GALR1: variants seen among roughly 807,000 people sequenced by gnomAD.
The protein encoded by GALR1 is galanin receptor 1, also known as galanin receptor type 1.
A neutral mutation model predicts 17.9 loss-of-function variants in GALR1; 11 were observed. The ratio of observed to expected loss-of-function variants is 0.62; its 90% CI spans 0.39 to 1.02. The LOEUF is 1.02. Ranked by LOEUF, GALR1 falls within the 50% of genes least tolerant of loss-of-function variation. The pLI, the probability that GALR1 is intolerant of heterozygous loss-of-function variation, is 0.01. For missense variants in GALR1, 441 were observed against 456.9 expected, an observed-to-expected ratio of 0.97 and a Z score of 0.32; for synonymous variants, 206 against 205.7, an observed-to-expected ratio of 1.00 and a Z score of -0.01.
Position 77,268,635 on chromosome 18 carries a change from G to A in GALR1, c.783G>A (p.Leu261=), listed in dbSNP as rs1912993553. The A allele has an allele frequency of 4.3e-6, 7 of 1,613,946 alleles. No individual in the cohort carries two copies. Among genetic ancestry groups the A allele is most frequent in the Non-Finnish European group, 5.9e-6 (7 of 1,180,030 alleles). Residue 261 remains leucine (L), a synonymous_variant, in exon 3 of 3, where the codon CTG becomes CTA. Transcript: ENST00000299727. ...VVVVVFGISW[L]PHHIIHLWAE... is the part of the protein sequence containing the mutation. Reference sequence around the variant, plus strand: ...TTGTGGTGTTTGGAATCTCCTGGCTGCCGCACCACATCATCCATCTCTGGG... The same window carrying A: ...TTGTGGTGTTTGGAATCTCCTGGCTACCGCACCACATCATCCATCTCTGGG...
In GALR1 at chr18:77,272,505, TA is replaced by T. The variant is rs1913084009; in HGVS notation, c.*3604del. On this transcript the variant is annotated 3_prime_UTR_variant, in exon 3 of 3. Coordinates refer to ENST00000299727, the MANE Select transcript of GALR1 (RefSeq NM_001480.4). ...TTCTTGCTTTAAATGATTTATCAAATACATGTATGTAAACTACATAGTCACT... is the reference window on the plus strand; with the variant it reads ...TTCTTGCTTTAAATGATTTATCAAATCATGTATGTAAACTACATAGTCACT... 1 of 152,258 alleles carries T rather than the reference TA, an allele frequency of 6.6e-6. No individual in the cohort carries two copies. 9.4% of individuals were successfully genotyped at this position (152,258 alleles called of 1,614,324 possible). A position where few individuals can be genotyped will look rare whatever the true frequency, so the allele number is the denominator to read the frequency against.
intron 2 of GALR1, among the ~76,000 whole-genome samples, chr18:77,265,405 C>T (rs1020643857): frequency 6.6e-6 from 1 of 152,226 alleles, no homozygotes; most frequent in African/African-American, 2.4e-5. Flanking sequence ...GGCATAGCCC[C>T]CTTCCGGGCT....
chr18:77,265,906 G>T (rs1192189663), intron 2 of GALR1, among the ~76,000 whole-genome samples: 1 of 152,146 alleles, frequency 6.6e-6, no homozygotes, highest in Non-Finnish European at 1.5e-5. Context: ...CTAGGCCTCT[G>T]GGTGTGTGAT....
At chr18:77,261,667 T>G (rs1444574319) in intron 2 of GALR1, among the ~76,000 whole-genome samples, 1 of 152,218 alleles carries the variant, frequency 6.6e-6, no homozygotes, top group Non-Finnish European at 1.5e-5. Flanking sequence ...AGGAAGTGGC[T>G]TTTCCAGCCC....
chr18:77,257,599 T>C (rs1912619618), intron 2 of GALR1, among the ~76,000 whole-genome samples: 1 of 152,266 alleles, frequency 6.6e-6, no homozygotes, highest in African/African-American at 2.4e-5. Flanking sequence ...TGATTTTTCC[T>C]CTGAGTCACA....
intron 2 of GALR1, among the ~76,000 whole-genome samples, chr18:77,258,602 C>CATGGTGGTGGTGGTGGTGGTG (rs1912658537): frequency 4.8e-5 from 1 of 20,714 alleles, no homozygotes; most frequent in African/African-American, 1.4e-4. Flanking sequence ...TGGTGGTGGT[C>CATGGTGGTGGTGGTGGTGGTG]ATGGTGGTGA....
At chr18:77,266,084 T>G (rs1219691476) in intron 2 of GALR1, among the ~76,000 whole-genome samples, 1 of 152,154 alleles carries the variant, frequency 6.6e-6, no homozygotes, top group Admixed American at 6.5e-5. Flanking sequence ...AGGTTGCAAA[T>G]TTTCCAAACG....
chr18:77,275,045 G>C lies in GALR1; in HGVS notation c.*6143G>C, dbSNP rs1046590846. On this transcript the variant is annotated 3_prime_UTR_variant, in exon 3 of 3. Coordinates refer to ENST00000299727, the MANE Select transcript of GALR1 (RefSeq NM_001480.4). ...ACTTTTCCATCTAACAGAAACGCAAGCTTCAAGAGCAAGTTATTTTTATAA... is the reference window on the plus strand; with the variant it reads ...ACTTTTCCATCTAACAGAAACGCAACCTTCAAGAGCAAGTTATTTTTATAA... The C allele has an allele frequency of 6.6e-6, 1 of 152,230 alleles. No individual in the cohort carries two copies. The highest frequency in any genetic ancestry group is 2.4e-5 in the African/African-American group (1 of 41,460). 9.4% of individuals were successfully genotyped at this position (152,230 alleles called of 1,614,324 possible).
intron 2 of GALR1, among the ~76,000 whole-genome samples, chr18:77,266,212 G>A (rs923542203): frequency 6.6e-6 from 1 of 152,162 alleles, no homozygotes; most frequent in Admixed American, 6.5e-5. Context: ...CTTTGCTAAA[G>A]CATAGCAAGA....
intron 1 of GALR1, among the ~76,000 whole-genome samples, chr18:77,252,935 C>CCACCAT (rs1568139107): frequency 1.1e-4 from 5 of 45,778 alleles, no homozygotes; most frequent in Admixed American, 1.8e-4. Context: ...ACCACCACCA[C>CCACCAT]CACCACCACC....
chr18:77,267,091 G>A (rs1425626003), intron 2 of GALR1, among the ~76,000 whole-genome samples: 1 of 152,256 alleles, frequency 6.6e-6, no homozygotes, highest in Non-Finnish European at 1.5e-5. Context: ...CCTATGAGAA[G>A]TAAACTTGCT....
rs1189053904 is a variant in GALR1 at position 77,268,913 on chromosome 18, A to C, written c.*11A>C. The C allele has an allele frequency of 3.1e-6, 5 of 1,594,654 alleles. No individual in the cohort carries two copies. In the African/African-American group the frequency reaches 5.4e-5, roughly 17 times the overall value. ...TGTACTCATGTGTGATAAAAGATAG[A>C]GTATCCTTATGGTTGAGTTTCCATA... On this transcript the variant is annotated 3_prime_UTR_variant, in exon 3 of 3. Coordinates refer to ENST00000299727, the MANE Select transcript of GALR1 (RefSeq NM_001480.4).
At chr18:77,267,604 G>C (rs1912970967) in intron 2 of GALR1, among the ~76,000 whole-genome samples, 1 of 152,238 alleles carries the variant, frequency 6.6e-6, no homozygotes, top group African/African-American at 2.4e-5. Context: ...TGTTTGAGGA[G>C]AGAACCAACT....
chr18:77,254,642 T>C (rs1489877332), intron 1 of GALR1, among the ~76,000 whole-genome samples: 1 of 152,216 alleles, frequency 6.6e-6, no homozygotes, highest in African/African-American at 2.4e-5. Flanking sequence ...TCCTGTCCTC[T>C]TGGGCAGGGT....
chr18:77,262,338 A>G (rs1451385738), intron 2 of GALR1, among the ~76,000 whole-genome samples: 6 of 152,124 alleles, frequency 3.9e-5, no homozygotes, highest in Admixed American at 3.3e-4. Context: ...GAGCGTGTCT[A>G]TGCTAGGCAT....
intron 2 of GALR1, among the ~76,000 whole-genome samples, 168 bp downstream of exon 2, chr18:77,256,391 G>A (rs778048965): frequency 2.0e-5 from 3 of 152,034 alleles, no homozygotes; most frequent in Admixed American, 6.5e-5. Context: ...ATGGAGGGTC[G>A]GCCTTGGCAA....
chr18:77,256,954 G>A (rs900654113), intron 2 of GALR1, among the ~76,000 whole-genome samples: 3 of 152,158 alleles, frequency 2.0e-5, no homozygotes, highest in Admixed American at 6.5e-5. Flanking sequence ...CTAATTTTAG[G>A]AAGTAGAATG....
intron 1 of GALR1, among the ~76,000 whole-genome samples, chr18:77,252,833 G>A (rs1004951104): frequency 7.6e-6 from 1 of 131,596 alleles, no homozygotes; most frequent in African/African-American, 2.9e-5. Context: ...GGCTGACAAC[G>A]GAGCGAGACT....
At chr18:77,262,431 G>A (rs1039479427) in intron 2 of GALR1, among the ~76,000 whole-genome samples, 11 of 152,166 alleles carry the variant, frequency 7.2e-5, no homozygotes, top group East Asian at 3.8e-4. Context: ...TTCTTGCCCC[G>A]TGTCCCATCT....
Sources: allele counts gnomAD v4.1 joint callset (sites outside exome capture counted in the v4.1 genomes callset), GRCh38; gene constraint gnomAD v4.1.1; transcripts MANE v1.5; gene names NCBI Gene and HGNC (gene_info 2026-07-23, HGNC 2026-07-21).